Variants in WDR27 observed in about 807,000 individuals in gnomAD.
WDR27 encodes the protein WD repeat-containing protein 27.
Under a neutral mutation model 114.4 loss-of-function variants are expected in WDR27, and 100 were observed. That is an observed-to-expected ratio of 0.87 (90% CI 0.74 to 1.03). WDR27 has a LOEUF of 1.03. Ranked by LOEUF, WDR27 falls within the 50% of genes least tolerant of loss-of-function variation. The pLI, the probability that WDR27 is intolerant of heterozygous loss-of-function variation, is 0.00. For missense variants in WDR27, 1,129 were observed against 1,092.9 expected (o/e 1.03, Z -0.47); for synonymous variants, 449 against 423.1 (o/e 1.06, Z -0.75).
chr6:169,582,539 T>C (rs954427645), intron 24 of WDR27, among the ~76,000 whole-genome samples: 1 of 152,158 alleles, frequency 6.6e-6, no homozygotes, highest in African/African-American at 2.4e-5. Flanking sequence ...ACCGTATTTG[T>C]CCACAGGTCT....
intron 2 of WDR27, among the ~76,000 whole-genome samples, chr6:169,673,410 T>C (rs892334199): frequency 8.6e-5 from 13 of 151,850 alleles, no homozygotes; most frequent in African/African-American, 3.1e-4. Context: ...ATTAAATATA[T>C]ATATACACAC....
chr6:169,659,527 G>A lies in WDR27; in HGVS notation c.1130-9C>T. ...GCTGAGGCTCTGGAAATCTTCAGTT[G>A]AGCGAAGACCAGGAAGAACATGATG... On this transcript the variant is annotated splice_polypyrimidine_tract_variant and intron_variant, in intron 10 of 25. Coordinates refer to ENST00000448612, the MANE Select transcript of WDR27 (RefSeq NM_182552.5). The surrounding 1 kb of genome is among the most constrained non-coding windows in gnomAD (Gnocchi z 4.3). The A allele has an allele frequency of 6.2e-7, 1 of 1,606,222 alleles. No individual in the cohort carries two copies. The highest frequency in any genetic ancestry group is 8.5e-7 in the Non-Finnish European group (1 of 1,176,598).
At chr6:169,524,624 C>A (rs1039695610) in intron 25 of WDR27, among the ~76,000 whole-genome samples, 1 of 152,082 alleles carries the variant, frequency 6.6e-6, no homozygotes, top group Admixed American at 6.6e-5. Flanking sequence ...AGATATAAAT[C>A]CAAACATTCA....
At chr6:169,550,700 TG>T (rs1797981690) in intron 25 of WDR27, among the ~76,000 whole-genome samples, 1 of 151,544 alleles carries the variant, frequency 6.6e-6, no homozygotes, top group Admixed American at 6.6e-5. Flanking sequence ...GGATTACAGG[TG>T]TGAGCCACCA....
chr6:169,523,210 G>T (rs1794597602), intron 25 of WDR27, among the ~76,000 whole-genome samples: 1 of 151,952 alleles, frequency 6.6e-6, no homozygotes, highest in South Asian at 2.1e-4. Flanking sequence ...TAAATTTCTG[G>T]ACACATGCAA....
chr6:169,459,505 A>G (rs143958310), intron 25 of WDR27, among the ~76,000 whole-genome samples: 151 of 151,968 alleles, frequency 9.9e-4, no homozygotes, highest in Middle Eastern at 3.4e-3. Flanking sequence ...AAAACTCCCA[A>G]ATTTGATTTT....
chr6:169,667,854 GCA>G (rs1828302869), intron 5 of WDR27, 126 bp downstream of exon 5: 10 of 920,806 alleles, frequency 1.1e-5, no homozygotes, highest in Non-Finnish European at 1.3e-5. Flanking sequence ...CGGGCGCCTT[GCA>G]GAAGTGAGGT....
intron 21 of WDR27, among the ~76,000 whole-genome samples, chr6:169,624,196 G>A (rs1814161415): frequency 6.6e-6 from 1 of 151,270 alleles, no homozygotes; most frequent in Non-Finnish European, 1.5e-5. Flanking sequence ...GGCATCAGGT[G>A]TGCGGCATGT....
chr6:169,481,473 C>T (rs1224239128), intron 25 of WDR27, among the ~76,000 whole-genome samples: 3 of 152,226 alleles, frequency 2.0e-5, no homozygotes, highest in South Asian at 2.1e-4. Flanking sequence ...GCTGTGGAAA[C>T]CTTGTTCTTT....
At chr6:169,673,286 A>G (rs1779226342) in intron 2 of WDR27, among the ~76,000 whole-genome samples, 1 of 152,184 alleles carries the variant, frequency 6.6e-6, no homozygotes, top group Admixed American at 6.5e-5. Context: ...AATAGACAAC[A>G]GGCAGTTTAA....
downstream of WDR27, among the ~76,000 whole-genome samples, chr6:169,455,903 C>G (rs1316835530): frequency 6.6e-6 from 1 of 151,840 alleles, no homozygotes; most frequent in Non-Finnish European, 1.5e-5. Flanking sequence ...GAGTTTTCTT[C>G]TTTGACATTT....
the WDR27 span, among the ~76,000 whole-genome samples, chr6:169,450,921 A>G: frequency 6.6e-6 from 1 of 152,342 alleles, no homozygotes; most frequent in Non-Finnish European, 1.5e-5. Context: ...TCCTATGAAC[A>G]GTCTCATATT....
chr6:169,431,421 G>T, the WDR27 span, among the ~76,000 whole-genome samples: 1 of 152,008 alleles, frequency 6.6e-6, no homozygotes, highest in South Asian at 2.1e-4. Flanking sequence ...CCACACTTAG[G>T]GCTCTTTAGC....
intron 24 of WDR27, among the ~76,000 whole-genome samples, chr6:169,581,659 G>C (rs138542829): frequency 6.6e-6 from 1 of 152,204 alleles, no homozygotes; most frequent in Non-Finnish European, 1.5e-5. Context: ...GGAATTCAGC[G>C]GTGATGCTGA....
chr6:169,585,825 T>C (rs1420154206), intron 23 of WDR27, among the ~76,000 whole-genome samples: 1 of 150,996 alleles, frequency 6.6e-6, no homozygotes. Context: ...GCAGAAGAGG[T>C]GGAGGAGGTG....
At chr6:169,690,975 G>C (rs1227572357) in intron 1 of WDR27, among the ~76,000 whole-genome samples, 1 of 152,180 alleles carries the variant, frequency 6.6e-6, no homozygotes, top group East Asian at 1.9e-4. Context: ...CAGCACTTTG[G>C]GAGGCCGAGG....
At chr6:169,516,503 G>A (rs993189875) in intron 25 of WDR27, among the ~76,000 whole-genome samples, 12 of 152,126 alleles carry the variant, frequency 7.9e-5, no homozygotes, top group African/African-American at 2.2e-4. Context: ...GGGAATGGGC[G>A]GTGGGGACAT....
chr6:169,515,748 T>C (rs1274303981), intron 25 of WDR27, among the ~76,000 whole-genome samples: 1 of 150,450 alleles, frequency 6.6e-6, no homozygotes, highest in Admixed American at 6.7e-5. Context: ...TATTTTATTA[T>C]ATACTTAACT....
rs1436995230 is a variant in WDR27, at chr6:169,638,163, A to G, written c.1869+376T>C. On this transcript the variant is annotated intron_variant, in intron 18 of 25. Transcript: ENST00000448612. ...AACCCCGTCTCTACTAAAAATACAA[A>G]AAATTAGCCGGGCGCGGTGGCGGGC... 1.7e-5 allele frequency among the ~76,000 whole-genome samples: 2 copies of G among 115,720 alleles called. 1 individual carries two copies. The highest frequency in any genetic ancestry group is 9.0e-5 in the African/African-American group (2 of 22,172). The allele number at this position is 115,720 out of a possible 152,430, so 75.9% of individuals were successfully genotyped here. A position where few individuals can be genotyped will look rare whatever the true frequency, so the allele number is the denominator to read the frequency against.
Sources: gnomAD v4.1 joint callset for allele counts (sites outside exome capture counted in the v4.1 genomes callset) on GRCh38, gnomAD v4.1.1 for gene constraint, Gnocchi (gnomAD v3.1) non-coding constraint, MANE v1.5 for transcripts, NCBI Gene and HGNC (gene_info 2026-07-23, HGNC 2026-07-21) for gene names.